The following GALNT13 variants were observed in gnomAD, a reference collection of about 807,000 sequenced individuals.
GALNT13 encodes polypeptide N-acetylgalactosaminyltransferase 13, also known as UDP-GalNAc:polypeptide N-acetylgalactosaminyltransferase 13.
GALNT13 carries 28 observed loss-of-function variants against 64.2 expected under a neutral mutation model. The ratio of observed to expected loss-of-function variants is 0.44; its 90% confidence interval spans 0.32 to 0.60. GALNT13 has a LOEUF of 0.60. GALNT13 is among the 20% of genes least tolerant of loss of function. The pLI is 0.05. For synonymous variants in GALNT13, 214 were observed against 224.6 expected (o/e 0.95, Z 0.42); for missense variants, 577 against 669.8 (o/e 0.86, Z 1.53).
the GALNT13 span, among the ~76,000 whole-genome samples, chr2:153,154,753 A>G: frequency 6.6e-6 from 1 of 152,284 alleles, no homozygotes; most frequent in African/African-American, 2.4e-5. Flanking sequence ...CCTGGCCAGA[A>G]CTTCCAATTC....
At chr2:153,463,028 C>G in the GALNT13 span, among the ~76,000 whole-genome samples, 1 of 152,160 alleles carries the variant, frequency 6.6e-6, no homozygotes, top group East Asian at 1.9e-4. Context: ...CGAGGAAAGA[C>G]ATTTCTCTAA....
intron 3 of GALNT13, among the ~76,000 whole-genome samples, chr2:154,130,914 G>A (rs921125099): frequency 6.6e-6 from 1 of 151,976 alleles, no homozygotes; most frequent in Admixed American, 6.6e-5. Context: ...TCTTCCAAAG[G>A]GCTTCTCAAA....
chr2:153,694,851 T>C, the GALNT13 span, among the ~76,000 whole-genome samples: 1 of 152,158 alleles, frequency 6.6e-6, no homozygotes, highest in African/African-American at 2.4e-5. Flanking sequence ...AAAATGTATG[T>C]TTTAAAACTA....
chr2:153,413,077 A>C, the GALNT13 span, among the ~76,000 whole-genome samples: 1 of 152,156 alleles, frequency 6.6e-6, no homozygotes, highest in African/African-American at 2.4e-5. Flanking sequence ...GGGAGAATTT[A>C]CCAGAGCCCA....
At chr2:153,878,495 C>G (rs1686550333) in intron 1 of GALNT13, among the ~76,000 whole-genome samples, 1 of 152,130 alleles carries the variant, frequency 6.6e-6, no homozygotes. Flanking sequence ...AAATTTGGAC[C>G]TAGGAAAGAT....
At chr2:153,285,606 G>C in the GALNT13 span, among the ~76,000 whole-genome samples, 1 of 152,052 alleles carries the variant, frequency 6.6e-6, no homozygotes. Context: ...GTAAGAAAAG[G>C]CTCTTATTAA....
chr2:153,607,731 TAATA>T, the GALNT13 span, among the ~76,000 whole-genome samples: 1 of 152,154 alleles, frequency 6.6e-6, no homozygotes, highest in Admixed American at 6.6e-5. Flanking sequence ...TTTTTAAACT[TAATA>T]AACTCAGCTA....
intron 4 of GALNT13, among the ~76,000 whole-genome samples, chr2:154,141,991 G>A (rs974098139): frequency 6.6e-6 from 1 of 152,032 alleles, no homozygotes; most frequent in Non-Finnish European, 1.5e-5. Flanking sequence ...TATGGTCCTC[G>A]TAAAACAAAC....
chr2:153,562,044 C>G, the GALNT13 span, among the ~76,000 whole-genome samples: 1 of 99,358 alleles, frequency 1.0e-5, no homozygotes, highest in Non-Finnish European at 2.0e-5. Flanking sequence ...CTCTCTCTTT[C>G]TCTCTCTCTC....
the GALNT13 span, among the ~76,000 whole-genome samples, chr2:153,222,199 C>T: frequency 2.1e-5 from 3 of 143,022 alleles, no homozygotes; most frequent in Non-Finnish European, 4.6e-5. Context: ...TAGCTCCTTT[C>T]CTCAGGCAGG....
intron 3 of GALNT13, among the ~76,000 whole-genome samples, chr2:153,979,716 A>G (rs1479044327): frequency 1.3e-5 from 2 of 152,240 alleles, no homozygotes; most frequent in Non-Finnish European, 2.9e-5. Context: ...GATTATAAAC[A>G]TTCTTCAACC....
chr2:153,366,835 G>C, the GALNT13 span, among the ~76,000 whole-genome samples: 3 of 151,084 alleles, frequency 2.0e-5, no homozygotes, highest in Non-Finnish European at 4.4e-5. Context: ...GGCAGTCATA[G>C]ACAAAATTAG....
At chr2:154,181,819 C>T (rs1335664081) in intron 4 of GALNT13, among the ~76,000 whole-genome samples, 1 of 151,902 alleles carries the variant, frequency 6.6e-6, no homozygotes, top group Non-Finnish European at 1.5e-5. Flanking sequence ...CCATTTTCGT[C>T]AGTTCCTTAG....
chr2:153,836,297 C>A, the GALNT13 span, among the ~76,000 whole-genome samples: 2 of 151,694 alleles, frequency 1.3e-5, no homozygotes, highest in African/African-American at 4.9e-5. Flanking sequence ...AGCTTATTAT[C>A]ACATCTATCA....
chr2:154,074,913 A>C (rs527514894), intron 3 of GALNT13, among the ~76,000 whole-genome samples: 136 of 152,102 alleles, frequency 8.9e-4, no homozygotes, highest in Non-Finnish European at 1.5e-3. Flanking sequence ...AAATAATAAG[A>C]GCCATCTATG....
At chr2:153,077,211 C>G in the GALNT13 span, among the ~76,000 whole-genome samples, 2 of 152,098 alleles carry the variant, frequency 1.3e-5, no homozygotes, top group Admixed American at 1.3e-4. Context: ...CTCAGCCTCT[C>G]AAAGTGCTGG....
chr2:154,332,818 T>C lies in GALNT13; in HGVS notation c.1156+31229T>C, dbSNP rs573605727. On this transcript the variant is annotated intron_variant, in intron 9 of 12. Coordinates refer to ENST00000392825, the MANE Select transcript of GALNT13 (RefSeq NM_052917.4). ...AAAAGCCATCAGTTTTCTTATGTGA[T>C]AAAAGCAAATGAATGAAGAATAAGA... Among the ~76,000 whole-genome samples, 4 of 152,254 alleles carry C rather than the reference T, an allele frequency of 2.6e-5. No homozygotes were observed. The East Asian group carries it at 7.7e-4, about 29-fold the overall frequency.
chr2:153,777,830 G>C, the GALNT13 span, among the ~76,000 whole-genome samples: 2 of 152,140 alleles, frequency 1.3e-5, no homozygotes, highest in Admixed American at 1.3e-4. Flanking sequence ...GCCATCCGTA[G>C]GTGGCTTGGG....
At chr2:154,109,291 C>A (rs1394283776) in intron 3 of GALNT13, among the ~76,000 whole-genome samples, 1 of 151,802 alleles carries the variant, frequency 6.6e-6, no homozygotes, top group East Asian at 1.9e-4. Flanking sequence ...ATAGTTTGTT[C>A]TTAGTGTCTA....
Sources: allele counts gnomAD v4.1 joint callset (sites outside exome capture counted in the v4.1 genomes callset), GRCh38; gene constraint gnomAD v4.1.1; transcripts MANE v1.5; gene names NCBI Gene and HGNC (gene_info 2026-07-23, HGNC 2026-07-21).